The following LIPG variants were observed in gnomAD, a reference collection of about 807,000 sequenced individuals.
LIPG encodes the protein endothelial lipase.
Under a neutral mutation model 51.8 loss-of-function variants are expected in LIPG, and 34 were observed. That is an observed-to-expected ratio of 0.66 (90% CI 0.50 to 0.87). The LOEUF (loss-of-function observed/expected upper bound fraction) is 0.87. Ranked by LOEUF, LIPG falls within the 40% of genes least tolerant of loss-of-function variation. The pLI, the probability that LIPG is intolerant of heterozygous loss-of-function variation, is 0.00. For synonymous variants in LIPG, 246 were observed against 246.1 expected (o/e 1.00, Z 0.00); for missense variants, 580 against 652.7 (o/e 0.89, Z 1.21).
chr18:49,579,523 A>G (rs534732300), intron 5 of LIPG, among the ~76,000 whole-genome samples: 1 of 151,884 alleles, frequency 6.6e-6, no homozygotes, highest in East Asian at 2.0e-4. Context: ...GCAGTGACCA[A>G]TTTTGGGGGG....
At chr18:49,561,754 A>C (rs112279700), upstream of LIPG, 2,127 of 1,243,872 alleles carry the variant, frequency 1.7e-3, 24 homozygotes, top group African/African-American at 0.031. Context: ...CGCCTCCGCC[A>C]CTTGGGATGG....
chr18:49,583,626 T>G lies in LIPG; in HGVS notation c.1228T>G (p.Leu410Val), dbSNP rs778212352. 9 of 1,614,166 alleles carry G rather than the reference T, an allele frequency of 5.6e-6. No individual in the cohort carries two copies. The highest frequency in any genetic ancestry group is 1.7e-5 in the Admixed American group (1 of 60,020). ...CACCGAGGAGGACTTGGGAGACCTC[T>G]TGAAGATCCAGCTCACCTGGGAGGG... ...VYTEEDLGDL[L>V]KIQLTWEGAS... is the part of the protein sequence containing the mutation. The change falls in exon 8 of 10, where the codon TTG (leucine) becomes GTG (valine). Residue 410 changes from leucine (L) to valine (V), a missense_variant. By Grantham distance (32) the Leu-to-Val change is conservative (BLOSUM62 1). Transcript: ENST00000261292.
intron 1 of LIPG, among the ~76,000 whole-genome samples, chr18:49,562,684 A>G (rs1455516415): frequency 1.5e-5 from 2 of 134,778 alleles, no homozygotes; most frequent in Admixed American, 8.0e-5. Flanking sequence ...TCCCTAAGCC[A>G]GTGCTGGTGC....
upstream of LIPG, chr18:49,561,806 G>A: frequency 8.0e-7 from 1 of 1,256,562 alleles, no homozygotes; most frequent in Non-Finnish European, 1.0e-6. Context: ...GGAGGGCAGT[G>A]GGAGAAAGCT....
At chr18:49,572,085 C>T (rs544893316) in intron 4 of LIPG, among the ~76,000 whole-genome samples, 3 of 152,230 alleles carry the variant, frequency 2.0e-5, no homozygotes, top group East Asian at 1.9e-4. Context: ...TTTGGGAGGC[C>T]GAGGTGGGTG....
intron 4 of LIPG, among the ~76,000 whole-genome samples, chr18:49,574,388 T>G (rs1173086395): frequency 6.6e-6 from 1 of 152,216 alleles, no homozygotes; most frequent in African/African-American, 2.4e-5. Flanking sequence ...AATATCTATT[T>G]CTATGTGCCA....
In LIPG at chr18:49,583,785, CCTG is replaced by C. The variant is rs1568536077; in HGVS notation, c.1376+14_1376+16del. 2 of 1,602,456 alleles carry C rather than the reference CCTG, an allele frequency of 1.2e-6. No individual in the cohort carries two copies. The highest frequency in any genetic ancestry group is 2.3e-5 in the East Asian group (1 of 44,324). ...GGAAACCCAGCGGAAGTAAGTGCCTCCTGCTCCTTCTTCTGCCTGGTGTAGGTG... is the reference window on the plus strand; with the variant it reads ...GGAAACCCAGCGGAAGTAAGTGCCTCCTCCTTCTTCTGCCTGGTGTAGGTG... On this transcript the variant is annotated intron_variant, in intron 8 of 9. Coordinates refer to ENST00000261292, the MANE Select transcript of LIPG (RefSeq NM_006033.4).
chr18:49,596,601 C>G lies in LIPG; in HGVS notation c.*6079C>G, dbSNP rs2084983748. The G allele has an allele frequency of 7.0e-6, 1 of 142,606 alleles. No homozygotes were observed. The allele number at this position is 142,606 out of a possible 1,614,324, so 8.8% of individuals were successfully genotyped here. A position where few individuals can be genotyped will look rare whatever the true frequency, so the allele number is the denominator to read the frequency against. ...AGTGAGCCTAGATCACGGCACTACA[C>G]TCCAGCCTGGGCAACAAGAGCAAAT... On this transcript the variant is annotated 3_prime_UTR_variant, in exon 10 of 10. Coordinates refer to ENST00000261292, the MANE Select transcript of LIPG (RefSeq NM_006033.4).
rs2084702543 is a variant in LIPG at position 49,575,146 on chromosome 18, T to C, written c.572-223T>C. 1.3e-5 allele frequency among the ~76,000 whole-genome samples: 2 copies of C among 152,216 alleles called. 1 individual carries two copies. Among genetic ancestry groups the C allele is most frequent in the Non-Finnish European group, 2.9e-5 (2 of 68,046 alleles). The stretch of plus-strand genomic sequence containing the variant: ...TACATGAAGGCTTCAGAAGAAAGTA[T>C]AAATTCCATAACAGTAGGATTTAAT... On this transcript the variant is annotated intron_variant, in intron 4 of 9. Transcript: ENST00000261292.
chr18:49,584,004 T>C (rs2084855909), intron 8 of LIPG, among the ~76,000 whole-genome samples: 1 of 152,172 alleles, frequency 6.6e-6, no homozygotes, highest in African/African-American at 2.4e-5. Flanking sequence ...GGTGGGCCAG[T>C]GGAGGCAGTA....
rs2084990301 is a variant in LIPG, at chr18:49,597,756, C to T, written c.*7234C>T. On this transcript the variant is annotated 3_prime_UTR_variant, in exon 10 of 10. Coordinates refer to ENST00000261292, the MANE Select transcript of LIPG (RefSeq NM_006033.4). ...TGCACGCTATGTGGTTTAATACCTT[C>T]ACCAGAGGCAAATGGTTTTGGACTC... 6.6e-6 allele frequency: 1 copy of T among 152,244 alleles called. No individual in the cohort carries two copies. Among genetic ancestry groups the T allele is most frequent in the Non-Finnish European group, 1.5e-5 (1 of 68,054 alleles). 9.4% of individuals were successfully genotyped at this position (152,244 alleles called of 1,614,324 possible). A position where few individuals can be genotyped will look rare whatever the true frequency, so the allele number is the denominator to read the frequency against.
rs371082736 is a variant in LIPG, at chr18:49,578,389, G to A, written c.793+2799G>A. Among the ~76,000 whole-genome samples the A allele has an allele frequency of 4.6e-3, 505 of 109,208 alleles. 1 individual carries two copies. Among genetic ancestry groups the A allele is most frequent in the Middle Eastern group, 0.028 (6 of 214 alleles). The allele number at this position is 109,208 out of a possible 152,430, so 71.6% of individuals were successfully genotyped here. ...GCGCTCCTCACATCCCAGATGGGGC[G>A]GCGGGGCAGAGGCGCTCCCCACATC... On this transcript the variant is annotated intron_variant, in intron 5 of 9. Coordinates refer to ENST00000261292, the MANE Select transcript of LIPG (RefSeq NM_006033.4).
At chr18:49,577,669 G>C (rs1418400810) in intron 5 of LIPG, among the ~76,000 whole-genome samples, 1,628 of 108,076 alleles carry the variant, frequency 0.015, 76 homozygotes, top group African/African-American at 0.057. Flanking sequence ...CCTCCCTCCC[G>C]GACGGCACGG....
rs368169219 is a variant in LIPG at position 49,569,554 on chromosome 18, C to T, written c.571+6C>T. 1 of 1,609,308 alleles carries T rather than the reference C, an allele frequency of 6.2e-7. No individual in the cohort carries two copies. Among genetic ancestry groups the T allele is most frequent in the Non-Finnish European group, 8.5e-7 (1 of 1,176,150 alleles). Reference sequence around the variant, plus strand: ...AACGGTGGGCCGAATCACAGGTGAGCTCCACTTCCATCACTAAAGGGCTCC... The same window carrying T: ...AACGGTGGGCCGAATCACAGGTGAGTTCCACTTCCATCACTAAAGGGCTCC... On this transcript the variant is annotated splice_donor_region_variant and intron_variant, in intron 4 of 9. Coordinates refer to ENST00000261292, the MANE Select transcript of LIPG (RefSeq NM_006033.4).
In LIPG at chr18:49,591,691, T is replaced by C. The variant is rs911795467; in HGVS notation, c.*1169T>C. ...TTGGAAAAGCCACCAATTCTAGATC[T>C]TGATTTGAATTAATACACACAATAT... On this transcript the variant is annotated 3_prime_UTR_variant, in exon 10 of 10. Transcript: ENST00000261292. 7.2e-5 allele frequency: 11 copies of C among 152,368 alleles called. No individual in the cohort carries two copies. The highest frequency in any genetic ancestry group is 4.1e-4 in the South Asian group (2 of 4,832). The allele number at this position is 152,368 out of a possible 1,614,324, so 9.4% of individuals were successfully genotyped here. A position where few individuals can be genotyped will look rare whatever the true frequency, so the allele number is the denominator to read the frequency against.
At chr18:49,570,845 C>T (rs1268159402) in intron 4 of LIPG, among the ~76,000 whole-genome samples, 2 of 152,216 alleles carry the variant, frequency 1.3e-5, no homozygotes, top group South Asian at 4.2e-4. Context: ...CAAAACAAAA[C>T]TCAGGTAGAA....
chr18:49,594,092 T>C lies in LIPG; in HGVS notation c.*3570T>C, dbSNP rs1040132476. 1 of 152,192 alleles carries C rather than the reference T, an allele frequency of 6.6e-6. No homozygotes were observed. Among genetic ancestry groups the C allele is most frequent in the African/African-American group, 2.4e-5 (1 of 41,444 alleles). The allele number at this position is 152,192 out of a possible 1,614,324, so 9.4% of individuals were successfully genotyped here. A position where few individuals can be genotyped will look rare whatever the true frequency, so the allele number is the denominator to read the frequency against. ...GGTATAGGACACTAGAATTTATTCC[T>C]CCTGTCTAGCTGTAATCTTGTTTGT... On this transcript the variant is annotated 3_prime_UTR_variant, in exon 10 of 10. Coordinates refer to ENST00000261292, the MANE Select transcript of LIPG (RefSeq NM_006033.4).
chr18:49,583,745 C>A lies in LIPG; in HGVS notation c.1347C>A (p.Ile449=). ...GACGGGAGCTGAATATCAGGCGCAT[C>A]CGGGTGAAGTCTGGGGAAACCCAGC... The part of the protein sequence containing the change: ...NPGRELNIRR[I]RVKSGETQRK... Residue 449 remains isoleucine, a synonymous_variant, in exon 8 of 10, where the codon ATC becomes ATA. Transcript: ENST00000261292. The A allele has an allele frequency of 4.3e-6, 7 of 1,613,566 alleles. No individual in the cohort carries two copies. The highest frequency in any genetic ancestry group is 5.9e-6 in the Non-Finnish European group (7 of 1,179,926).
In LIPG at chr18:49,593,162, A is replaced by C. The variant is rs2084962073; in HGVS notation, c.*2640A>C. 6.6e-6 allele frequency: 1 copy of C among 151,812 alleles called. No individual in the cohort carries two copies. Among genetic ancestry groups the C allele is most frequent in the South Asian group, 2.1e-4 (1 of 4,814 alleles). 9.4% of individuals were successfully genotyped at this position (151,812 alleles called of 1,614,324 possible). ...GCCAGGCTGGTCAGGCTGGGTTCGA[A>C]CTCCTGGCCTCAAGTGATCCGCCTG... On this transcript the variant is annotated 3_prime_UTR_variant, in exon 10 of 10. Coordinates refer to ENST00000261292, the MANE Select transcript of LIPG (RefSeq NM_006033.4).
Sources: allele counts gnomAD v4.1 joint callset (sites outside exome capture counted in the v4.1 genomes callset), GRCh38; gene constraint gnomAD v4.1.1; transcripts MANE v1.5; gene names NCBI Gene and HGNC (gene_info 2026-07-23, HGNC 2026-07-21).